INPP4A: variants seen among roughly 807,000 people sequenced by gnomAD.
INPP4A encodes inositol polyphosphate-4-phosphatase type I A, also known as inositol polyphosphate-4-phosphatase, type I, 107kD.
Under a neutral mutation model 119.8 loss-of-function variants are expected in INPP4A, and 33 were observed. The ratio of observed to expected loss-of-function variants is 0.28; its 90% CI spans 0.21 to 0.37. INPP4A has a LOEUF of 0.37. Ranked by LOEUF, INPP4A falls within the 10% of genes least tolerant of loss-of-function variation. The pLI, the probability that INPP4A is intolerant of heterozygous loss-of-function variation, is 1.00. For synonymous variants in INPP4A, 496 were observed against 500.7 expected (o/e 0.99, Z 0.12); for missense variants, 956 against 1,289.9 (o/e 0.74, Z 3.97).
intron 1 of INPP4A, among the ~76,000 whole-genome samples, chr2:98,448,048 A>G (rs1407212180): frequency 1.6e-4 from 12 of 75,424 alleles, no homozygotes; most frequent in African/African-American, 6.7e-4. Flanking sequence ...CTCTGTCTCA[A>G]AAAAAAAAAA....
rs530182007 is a variant in INPP4A at position 98,491,575 on chromosome 2, C to T, written c.-165-27389C>T. 1.5e-4 allele frequency among the ~76,000 whole-genome samples: 23 copies of T among 152,338 alleles called. 1 individual carries two copies. The highest frequency in any genetic ancestry group is 5.3e-4 in the African/African-American group (22 of 41,576). ...GAATAGTTTGAAAACTGAAAAGGTG[C>T]AGCAAGCCAGGTGCGTTTAATAAGA... On this transcript the variant is annotated intron_variant, in intron 1 of 24. Transcript: ENST00000409851.
At chr2:98,478,567 A>G (rs1239634007) in intron 1 of INPP4A, among the ~76,000 whole-genome samples, 1 of 150,844 alleles carries the variant, frequency 6.6e-6, no homozygotes, top group Non-Finnish European at 1.5e-5. Flanking sequence ...AACTCTGGGC[A>G]CTCCCTCCCC....
At chr2:98,538,602 T>G (rs1175648340) in intron 8 of INPP4A, among the ~76,000 whole-genome samples, 2 of 152,256 alleles carry the variant, frequency 1.3e-5, no homozygotes, top group African/African-American at 4.8e-5. Context: ...GAAATATCCC[T>G]TGGCATCATC....
At chr2:98,505,973 C>T (rs1031697610) in intron 1 of INPP4A, among the ~76,000 whole-genome samples, 4 of 152,082 alleles carry the variant, frequency 2.6e-5, no homozygotes, top group African/African-American at 7.2e-5. Context: ...AATATTTCTT[C>T]GAGGGGTTTA....
At chr2:98,491,939 G>C (rs757846049) in intron 1 of INPP4A, among the ~76,000 whole-genome samples, 2 of 151,966 alleles carry the variant, frequency 1.3e-5, no homozygotes, top group Non-Finnish European at 2.9e-5. Context: ...ACCTGGGCTA[G>C]AGTACAGTGG....
At position 98,593,812 on chromosome 2, in the gene INPP4A, C is replaced by T. The variant is rs1245136995; in HGVS notation, c.*6204C>T. 2.6e-5 allele frequency: 4 copies of T among 152,282 alleles called. No individual in the cohort carries two copies. The highest frequency in any genetic ancestry group is 9.7e-5 in the African/African-American group (4 of 41,438). The allele number at this position is 152,282 out of a possible 1,614,324, so 9.4% of individuals were successfully genotyped here. A position where few individuals can be genotyped will look rare whatever the true frequency, so the allele number is the denominator to read the frequency against. ...ACCCCAAGGCCTGGTCTGTATCAGT[C>T]CCCTCGGATCTGGACCTCTCCTGAG... On this transcript the variant is annotated 3_prime_UTR_variant, in exon 25 of 25. Coordinates refer to ENST00000409851, the MANE Select transcript of INPP4A (RefSeq NM_001134225.2).
chr2:98,482,251 C>T (rs1225021115), intron 1 of INPP4A, among the ~76,000 whole-genome samples: 2 of 152,264 alleles, frequency 1.3e-5, no homozygotes, highest in African/African-American at 2.4e-5. Context: ...GCCTTTACAC[C>T]TGTGGTTCCC....
chr2:98,541,012 G>GA (rs951666217), intron 10 of INPP4A, among the ~76,000 whole-genome samples: 2 of 152,112 alleles, frequency 1.3e-5, no homozygotes, highest in African/African-American at 4.8e-5. Context: ...TTTTTACTTG[G>GA]AAAAAACATC....
rs953649686 is a variant in INPP4A, at chr2:98,569,553, T to A, written c.2518+885T>A. On this transcript the variant is annotated intron_variant, in intron 22 of 24. Transcript: ENST00000409851. This position sits in a 1 kb window ranked among gnomAD's most constrained non-coding sequence, Gnocchi z 5.1. Reference sequence around the variant, plus strand: ...GGTAGACCTTAGAGTTTAGAGATAGTCAAACAGTACTGCTGGTGAACCTTC... The same window carrying A: ...GGTAGACCTTAGAGTTTAGAGATAGACAAACAGTACTGCTGGTGAACCTTC... 4 of 152,154 alleles carry A rather than the reference T, an allele frequency of 2.6e-5. No individual in the cohort carries two copies. The highest frequency in any genetic ancestry group is 4.4e-5 in the Non-Finnish European group (3 of 68,042). 9.4% of individuals were successfully genotyped at this position (152,154 alleles called of 1,614,324 possible). A position where few individuals can be genotyped will look rare whatever the true frequency, so the allele number is the denominator to read the frequency against.
chr2:98,507,879 A>G (rs535697891), intron 1 of INPP4A, among the ~76,000 whole-genome samples: 122 of 152,150 alleles, frequency 8.0e-4, no homozygotes, highest in Non-Finnish European at 1.5e-3. Context: ...CCCCCTGCAC[A>G]GCGTCCTGGC....
chr2:98,535,579 A>G (rs1471995975), intron 5 of INPP4A, 150 bp from the exon 6 acceptor site: 3 of 576,788 alleles, frequency 5.2e-6, no homozygotes, highest in African/African-American at 3.9e-5. Flanking sequence ...TGTTTGTTTT[A>G]TGTATTTATT....
At chr2:98,491,718 C>G (rs1429269294) in intron 1 of INPP4A, among the ~76,000 whole-genome samples, 7 of 152,266 alleles carry the variant, frequency 4.6e-5, no homozygotes, top group Middle Eastern at 3.4e-3. Flanking sequence ...GGAAATGACC[C>G]TTAGGGGCAC....
In INPP4A at chr2:98,573,971, G is replaced by A. The variant is rs557812713; in HGVS notation, c.2631+1044G>A. ...GTCAGACTTTATCTTTGTGGGAAGC[G>A]TGGGGTGGATCAATCTGCAGGTCTC... On this transcript the variant is annotated intron_variant, in intron 23 of 24. Transcript: ENST00000409851. Among the ~76,000 whole-genome samples, 24 of 152,294 alleles carry A rather than the reference G, an allele frequency of 1.6e-4. No homozygotes were observed. The East Asian group carries it at 4.6e-3, about 29-fold the overall frequency.
chr2:98,557,374 T>C (rs1443463479), intron 16 of INPP4A, among the ~76,000 whole-genome samples: 1 of 152,210 alleles, frequency 6.6e-6, no homozygotes, highest in Non-Finnish European at 1.5e-5. Context: ...GGTCCTTAAT[T>C]TAAACATCTT....
At chr2:98,550,275 G>C (rs993638238) in intron 13 of INPP4A, among the ~76,000 whole-genome samples, 1 of 152,132 alleles carries the variant, frequency 6.6e-6, no homozygotes, top group Non-Finnish European at 1.5e-5. Context: ...ACAGGCAGAA[G>C]GAGTGTCCCT....
At chr2:98,449,195 C>T (rs1428919547) in intron 1 of INPP4A, among the ~76,000 whole-genome samples, 1 of 152,180 alleles carries the variant, frequency 6.6e-6, no homozygotes, top group African/African-American at 2.4e-5. Flanking sequence ...AGTTACTGCT[C>T]ATACAATTAA....
At chr2:98,544,718 C>G (rs1692157411) in intron 11 of INPP4A, among the ~76,000 whole-genome samples, 1 of 152,134 alleles carries the variant, frequency 6.6e-6, no homozygotes, top group Non-Finnish European at 1.5e-5. Context: ...CCCTTTGATT[C>G]TTTTACATAA....
At chr2:98,539,463 G>T in intron 9 of INPP4A, 65 bp from the exon 10 acceptor site, 1 of 1,539,168 alleles carries the variant, frequency 6.5e-7, no homozygotes, top group South Asian at 1.2e-5. Context: ...CGGGGGAGGA[G>T]AACCCATGAG....
At chr2:98,525,906 A>G (rs1688099237) in intron 4 of INPP4A, among the ~76,000 whole-genome samples, 1 of 152,248 alleles carries the variant, frequency 6.6e-6, no homozygotes, top group South Asian at 2.1e-4. Context: ...ATACAAACAC[A>G]TTGGAAAACT....
Sources: allele counts gnomAD v4.1 joint callset (sites outside exome capture counted in the v4.1 genomes callset), GRCh38; gene constraint gnomAD v4.1.1; non-coding constraint Gnocchi (gnomAD v3.1); transcripts MANE v1.5; gene names NCBI Gene and HGNC (gene_info 2026-07-23, HGNC 2026-07-21).